SLC6A19: variants seen among roughly 807,000 people sequenced by gnomAD.
SLC6A19 encodes the protein solute carrier family 6 member 19.
In SLC6A19, 67 loss-of-function variants were observed where a neutral mutation model predicts 68.3. That is an observed-to-expected ratio of 0.98 (90% confidence interval 0.81 to 1.20). The LOEUF (loss-of-function observed/expected upper bound fraction) is 1.20, where lower values mean the gene tolerates loss of function less well. SLC6A19 is among the 50% of genes most tolerant of loss of function. The pLI is 0.00. For synonymous variants in SLC6A19, 392 were observed against 374.9 expected (o/e 1.05, Z -0.53); for missense variants, 813 against 851.6 (o/e 0.95, Z 0.56).
chr5:1,207,578 C>G (rs990199775), intron 1 of SLC6A19, among the ~76,000 whole-genome samples: 1 of 152,218 alleles, frequency 6.6e-6, no homozygotes, highest in Admixed American at 6.5e-5. Flanking sequence ...TCTCTTCTCC[C>G]GGTCCCAGGC....
intron 3 of SLC6A19, among the ~76,000 whole-genome samples, chr5:1,210,964 C>G (rs560502370): frequency 6.6e-6 from 1 of 152,352 alleles, no homozygotes; most frequent in Admixed American, 6.5e-5. Flanking sequence ...GTGGGTCTGT[C>G]CTGCCCATGT....
intron 8 of SLC6A19, among the ~76,000 whole-genome samples, chr5:1,218,181 A>T (rs1304801794): frequency 6.6e-6 from 1 of 151,778 alleles, no homozygotes; most frequent in Non-Finnish European, 1.5e-5. Context: ...AAGGGGTTCC[A>T]CTCTTGCCTC....
Position 1,212,463 on chromosome 5 carries a change from C to T in SLC6A19, c.642C>T (p.Arg214=), listed in dbSNP as rs376080842. ...AWSVLYMCTI[R]GIETTGKAVY... is the part of the protein sequence containing the mutation. ...GCGTCCTGTACATGTGCACCATCCG[C>T]GGCATCGAGACCACCGGGAAGGTAC... Residue 214 remains arginine, a synonymous_variant, in exon 4 of 12, where the codon CGC becomes CGT. Transcript: ENST00000304460. This position sits in a 1 kb window ranked among gnomAD's most constrained non-coding sequence, Gnocchi z 5.1. The T allele has an allele frequency of 1.6e-5, 26 of 1,608,600 alleles. No homozygotes were observed. Among genetic ancestry groups the T allele is most frequent in the African/African-American group, 5.3e-5 (4 of 74,836 alleles).
chr5:1,208,768 C>T lies in SLC6A19; in HGVS notation c.225C>T (p.Leu75=). 1.2e-6 allele frequency: 2 copies of T among 1,613,510 alleles called. No individual in the cohort carries two copies. Among genetic ancestry groups the T allele is most frequent in the Non-Finnish European group, 1.7e-6 (2 of 1,180,016 alleles). ...CAGGAGCCTTCATGATCCCGTTCCTCATCCTGCTGGTCCTGGAGGGCATCC... is the reference window on the plus strand; with the variant it reads ...CAGGAGCCTTCATGATCCCGTTCCTTATCCTGCTGGTCCTGGAGGGCATCC... ...HGGGAFMIPF[L]ILLVLEGIPL... Residue 75 remains leucine, a synonymous_variant, in exon 2 of 12, where the codon CTC becomes CTT. Coordinates refer to ENST00000304460, the MANE Select transcript of SLC6A19 (RefSeq NM_001003841.3).
chr5:1,218,036 T>TGCCTCCTCCC (rs1403688289), intron 8 of SLC6A19, among the ~76,000 whole-genome samples: 2 of 47,466 alleles, frequency 4.2e-5, no homozygotes, highest in Non-Finnish European at 1.0e-4. Context: ...CACCACCTCC[T>TGCCTCCTCCC]GCCTCCTCCC....
chr5:1,201,646 C>CT lies in SLC6A19; in HGVS notation c.-5_-4insT. 6.2e-7 allele frequency: 1 copy of CT among 1,605,040 alleles called. No homozygotes were observed. The highest frequency in any genetic ancestry group is 1.1e-5 in the South Asian group (1 of 90,634). On this transcript the variant is annotated 5_prime_UTR_variant, in exon 1 of 12. Transcript: ENST00000304460. Reference sequence around the variant, plus strand: ...TGCTGTGTGCGGAGCCGTCCAGCGACCACCATGGTGAGGCTCGTGCTGCCC... The same window carrying CT: ...TGCTGTGTGCGGAGCCGTCCAGCGACTCACCATGGTGAGGCTCGTGCTGCCC...
chr5:1,206,788 A>G (rs925684876), intron 1 of SLC6A19, among the ~76,000 whole-genome samples: 4 of 152,060 alleles, frequency 2.6e-5, no homozygotes, highest in Non-Finnish European at 5.9e-5. Flanking sequence ...GAGCATCCCC[A>G]CAGCCCTCCC....
intron 5 of SLC6A19, among the ~76,000 whole-genome samples, 154 bp from the exon 6 acceptor site, chr5:1,213,799 C>T (rs1746122876): frequency 6.6e-6 from 1 of 152,072 alleles, no homozygotes; most frequent in Non-Finnish European, 1.5e-5. Context: ...ACGGAGCCCC[C>T]ACAGGGAAGG....
chr5:1,211,015 C>T (rs561308297), intron 3 of SLC6A19, among the ~76,000 whole-genome samples: 36 of 152,346 alleles, frequency 2.4e-4, no homozygotes, highest in African/African-American at 8.7e-4. Flanking sequence ...TTCCAGAACC[C>T]TCTTGCCCAG....
At chr5:1,221,517 C>T (rs1041198176) in intron 11 of SLC6A19, among the ~76,000 whole-genome samples, 184 bp from the exon 12 acceptor site, 1 of 152,156 alleles carries the variant, frequency 6.6e-6, no homozygotes, top group South Asian at 2.1e-4. Context: ...TCACACCATC[C>T]CAGGAGGGAG....
rs1298690345 is a variant in SLC6A19, at chr5:1,224,718, G to A, written c.*2814G>A. The A allele has an allele frequency of 6.6e-6, 1 of 152,532 alleles. No individual in the cohort carries two copies. Among genetic ancestry groups the A allele is most frequent in the Non-Finnish European group, 1.5e-5 (1 of 68,256 alleles). 9.4% of individuals were successfully genotyped at this position (152,532 alleles called of 1,614,324 possible). A position where few individuals can be genotyped will look rare whatever the true frequency, so the allele number is the denominator to read the frequency against. ...TGGAATGGGGCAATTGCGGGCCTGG[G>A]GGCCCTTGGCCTGTCCGTGGCGGGA... is the stretch of plus-strand genomic sequence containing the variant. On this transcript the variant is annotated 3_prime_UTR_variant, in exon 12 of 12. Coordinates refer to ENST00000304460, the MANE Select transcript of SLC6A19 (RefSeq NM_001003841.3).
intron 5 of SLC6A19, 58 bp downstream of exon 5, chr5:1,213,631 C>A: frequency 6.7e-7 from 1 of 1,484,226 alleles, no homozygotes; most frequent in Non-Finnish European, 9.3e-7. Context: ...CTGCCCTGTG[C>A]CCCCGCCAGC....
At chr5:1,210,329 T>C (rs1310329233) in intron 2 of SLC6A19, 115 bp from the exon 3 acceptor site, 1 of 1,466,252 alleles carries the variant, frequency 6.8e-7, no homozygotes, top group Non-Finnish European at 9.3e-7. Flanking sequence ...GATTCTGGAG[T>C]AGCCCATCCC....
At chr5:1,213,009 C>T (rs1421519342) in intron 4 of SLC6A19, among the ~76,000 whole-genome samples, 3 of 140,990 alleles carry the variant, frequency 2.1e-5, no homozygotes, top group Non-Finnish European at 3.1e-5. Context: ...CCCAGGCTCC[C>T]GCAGGCCCTG....
chr5:1,211,732 G>A (rs1384318175), intron 3 of SLC6A19, among the ~76,000 whole-genome samples: 1 of 151,082 alleles, frequency 6.6e-6, no homozygotes, highest in Non-Finnish European at 1.5e-5. Flanking sequence ...GGATATGCAC[G>A]TGAGAGTACA....
rs370321056 is a variant in SLC6A19, at chr5:1,221,332, G to A, written c.1701+19G>A. On this transcript the variant is annotated intron_variant, in intron 11 of 11. Transcript: ENST00000304460. ...TGGCTACGTAAGTGTCCAGGCAGTCGCCTGGGGTGGGGAGAGGAATGGGGA... is the reference window on the plus strand; with the variant it reads ...TGGCTACGTAAGTGTCCAGGCAGTCACCTGGGGTGGGGAGAGGAATGGGGA... 128 of 1,611,684 alleles carry A rather than the reference G, an allele frequency of 7.9e-5. No individual in the cohort carries two copies. Among genetic ancestry groups the A allele is most frequent in the Middle Eastern group, 1.7e-4 (1 of 5,794 alleles).
At position 1,219,079 on chromosome 5, in the gene SLC6A19, C is replaced by G; in HGVS notation, c.1350C>G (p.Pro450=). ...VVPLQDLRVI[P]PKWPKEVLTG... The stretch of plus-strand genomic sequence containing the variant: ...CCCTGCAGGACCTCAGAGTCATCCC[C>G]CCGAAGTGGCCCAAGGAGGTGCTCA... Residue 450 remains proline (P), a synonymous_variant, in exon 9 of 12, where the codon CCC becomes CCG. Transcript: ENST00000304460. The G allele has an allele frequency of 6.2e-7, 1 of 1,613,728 alleles. No individual in the cohort carries two copies. Among genetic ancestry groups the G allele is most frequent in the Non-Finnish European group, 8.5e-7 (1 of 1,179,888 alleles).
Position 1,201,618 on chromosome 5 carries a change from G to A in SLC6A19, c.-33G>A. 6.3e-7 allele frequency: 1 copy of A among 1,591,336 alleles called. No homozygotes were observed. The highest frequency in any genetic ancestry group is 8.5e-7 in the Non-Finnish European group (1 of 1,174,906). Reference sequence around the variant, plus strand: ...CCACTCGCCCTCCAGCTTCTGCCCTGCCTGCTGTGTGCGGAGCCGTCCAGC... The same window carrying A: ...CCACTCGCCCTCCAGCTTCTGCCCTACCTGCTGTGTGCGGAGCCGTCCAGC... On this transcript the variant is annotated 5_prime_UTR_variant, in exon 1 of 12. Transcript: ENST00000304460.
Position 1,221,231 on chromosome 5 carries a change from T to G in SLC6A19, c.1619T>G (p.Leu540Arg). ...WQVTWRVVSP[L>R]LMLIIFLFFF... ...GTCACGTGGCGCGTGGTCAGCCCCC[T>G]GCTCATGCTGATCATCTTCCTCTTC... is the stretch of plus-strand genomic sequence containing the variant. The change falls in exon 11 of 12, where the codon CTG (leucine) becomes CGG (arginine). Residue 540 changes from leucine to arginine, a missense_variant. Leu to Arg is a moderately radical substitution (Grantham distance 102). Coordinates refer to ENST00000304460, the MANE Select transcript of SLC6A19 (RefSeq NM_001003841.3). 1 of 1,614,164 alleles carries G rather than the reference T, an allele frequency of 6.2e-7. No homozygotes were observed. The highest frequency in any genetic ancestry group is 2.2e-5 in the East Asian group (1 of 44,874).
Sources: allele counts gnomAD v4.1 joint callset (sites outside exome capture counted in the v4.1 genomes callset), GRCh38; gene constraint gnomAD v4.1.1; non-coding constraint Gnocchi (gnomAD v3.1); transcripts MANE v1.5; gene names NCBI Gene and HGNC (gene_info 2026-07-23, HGNC 2026-07-21).